The following LINGO2 variants were observed in gnomAD, a reference collection of about 807,000 sequenced individuals.
The protein encoded by LINGO2 is leucine rich repeat and Ig domain containing 2, also known as leucine-rich repeat and immunoglobulin-like domain-containing nogo receptor-interacting protein 2.
Under a neutral mutation model 30.6 loss-of-function variants are expected in LINGO2, and 14 were observed. The ratio of observed to expected loss-of-function variants is 0.46; its 90% CI spans 0.30 to 0.72. LINGO2 has a LOEUF of 0.72. Ranked by LOEUF, LINGO2 falls within the 30% of genes least tolerant of loss-of-function variation. The pLI is 0.07. For missense variants in LINGO2, 729 were observed against 751.7 expected (o/e 0.97, Z 0.35); for synonymous variants, 317 against 288.5 (o/e 1.10, Z -1.00).
rs148992280 is a variant in LINGO2 at position 28,078,763 on chromosome 9, G to A, written c.-86-66358C>T. 6.2e-3 allele frequency among the ~76,000 whole-genome samples: 918 copies of A among 147,626 alleles called. 132 individuals are homozygous for A. Among genetic ancestry groups the A allele is most frequent in the African/African-American group, 0.023 (874 of 37,364 alleles). On this transcript the variant is annotated intron_variant, in intron 4 of 5. Coordinates refer to ENST00000379992, the Ensembl canonical transcript of LINGO2. ...CTCAGGAGGCTGGGGCAGGAGAACC[G>A]CCTGAACCTGGGAGGCAGAGGTGGC...
chr9:28,314,853 C>T (rs939403719), intron 3 of LINGO2, among the ~76,000 whole-genome samples: 2 of 151,532 alleles, frequency 1.3e-5, no homozygotes, highest in Non-Finnish European at 2.9e-5. Flanking sequence ...GGCGTGGTGG[C>T]GGGCACCTGT....
the LINGO2 span, among the ~76,000 whole-genome samples, chr9:28,890,835 C>T: frequency 3.3e-5 from 5 of 152,082 alleles, no homozygotes; most frequent in South Asian, 6.2e-4. Flanking sequence ...TAGGCAGAGG[C>T]ACCATCCTGT....
At chr9:28,313,252 C>T (rs929118829) in intron 3 of LINGO2, among the ~76,000 whole-genome samples, 14 of 152,130 alleles carry the variant, frequency 9.2e-5, no homozygotes, top group African/African-American at 3.4e-4. Context: ...CAAAAGAATG[C>T]TTTTCACACT....
chr9:28,829,007 G>T, the LINGO2 span, among the ~76,000 whole-genome samples: 1 of 152,028 alleles, frequency 6.6e-6, no homozygotes, highest in East Asian at 1.9e-4. Flanking sequence ...TTCCTTGCTC[G>T]AATGTTGCCT....
At chr9:29,193,651 T>A in the LINGO2 span, among the ~76,000 whole-genome samples, 1 of 152,198 alleles carries the variant, frequency 6.6e-6, no homozygotes, top group Non-Finnish European at 1.5e-5. Context: ...GGGGACTGGG[T>A]AAGATTTGGG....
chr9:28,785,184 T>C, the LINGO2 span, among the ~76,000 whole-genome samples: 4 of 152,202 alleles, frequency 2.6e-5, no homozygotes, highest in Non-Finnish European at 5.9e-5. Context: ...AGTAGTTTTG[T>C]ATTAATAAGT....
the LINGO2 span, among the ~76,000 whole-genome samples, chr9:28,866,852 G>T: frequency 6.6e-6 from 1 of 152,106 alleles, no homozygotes; most frequent in Non-Finnish European, 1.5e-5. Context: ...GACGTCGTTG[G>T]TGGGGTCTTA....
chr9:29,125,918 T>A, the LINGO2 span, among the ~76,000 whole-genome samples: 1 of 152,078 alleles, frequency 6.6e-6, no homozygotes, highest in African/African-American at 2.4e-5. Context: ...TCAAGCAAAA[T>A]ATAAAAATCA....
intron 4 of LINGO2, among the ~76,000 whole-genome samples, chr9:28,214,354 C>A (rs550332999): frequency 6.6e-6 from 1 of 151,630 alleles, no homozygotes; most frequent in South Asian, 2.1e-4. Context: ...CCTCAGTTTC[C>A]AAGGATGTTG....
intron 4 of LINGO2, among the ~76,000 whole-genome samples, chr9:28,223,231 A>T (rs1821028955): frequency 1.3e-5 from 2 of 152,212 alleles, no homozygotes; most frequent in Admixed American, 1.3e-4. Flanking sequence ...CTGGAGGCTG[A>T]GAAGTCCAAG....
intron 4 of LINGO2, among the ~76,000 whole-genome samples, chr9:28,176,133 C>T (rs540370221): frequency 6.6e-5 from 10 of 152,288 alleles, no homozygotes; most frequent in Non-Finnish European, 1.5e-4. Context: ...AATCTTCAAA[C>T]CTACCTTGTA....
chr9:28,658,407 G>T (rs1259009315), intron 1 of LINGO2, among the ~76,000 whole-genome samples: 1 of 151,706 alleles, frequency 6.6e-6, no homozygotes, highest in Non-Finnish European at 1.5e-5. Flanking sequence ...TGCTTCAACT[G>T]TTTAGTAGCT....
At chr9:27,965,772 G>A (rs1436941004) in intron 5 of LINGO2, among the ~76,000 whole-genome samples, 1 of 151,952 alleles carries the variant, frequency 6.6e-6, no homozygotes, top group African/African-American at 2.4e-5. Context: ...TTTAAAAGAT[G>A]AAAGTGATTT....
At chr9:28,429,031 A>G (rs1025467768) in intron 2 of LINGO2, among the ~76,000 whole-genome samples, 1 of 152,214 alleles carries the variant, frequency 6.6e-6, no homozygotes, top group Non-Finnish European at 1.5e-5. Context: ...AAAATAAAGC[A>G]TACTGTTTAC....
intron 2 of LINGO2, among the ~76,000 whole-genome samples, chr9:28,375,629 A>C (rs572618183): frequency 6.6e-6 from 1 of 152,322 alleles, no homozygotes; most frequent in Admixed American, 6.5e-5. Flanking sequence ...TTGGAATCCT[A>C]AAGATGTGGT....
intron 2 of LINGO2, among the ~76,000 whole-genome samples, chr9:28,468,735 ACATGCT>A (rs1825407579): frequency 6.6e-6 from 1 of 152,196 alleles, no homozygotes; most frequent in South Asian, 2.1e-4. Context: ...AAGCATACAC[ACATGCT>A]CAGACAGAAT....
chr9:28,806,695 G>C, the LINGO2 span, among the ~76,000 whole-genome samples: 1 of 152,030 alleles, frequency 6.6e-6, no homozygotes, highest in East Asian at 1.9e-4. Flanking sequence ...AAGCCATAGT[G>C]ACATAAATGA....
the LINGO2 span, among the ~76,000 whole-genome samples, chr9:28,961,757 C>T: frequency 2.6e-5 from 4 of 152,286 alleles, no homozygotes; most frequent in East Asian, 7.7e-4. Context: ...CAAGAGACAC[C>T]TCTTTTCTCT....
the LINGO2 span, among the ~76,000 whole-genome samples, chr9:28,756,512 A>G: frequency 2.0e-5 from 3 of 151,938 alleles, no homozygotes; most frequent in African/African-American, 7.3e-5. Flanking sequence ...TTGAAATGTA[A>G]AAAGGACATG....
Sources: gnomAD v4.1 joint callset for allele counts (sites outside exome capture counted in the v4.1 genomes callset) on GRCh38, gnomAD v4.1.1 for gene constraint, MANE v1.5 for transcripts, NCBI Gene and HGNC (gene_info 2026-07-23, HGNC 2026-07-21) for gene names.